The following NRXN3 variants were observed in gnomAD, a reference collection of about 807,000 sequenced individuals.
The protein encoded by NRXN3 is neurexin III.
In NRXN3, 32 loss-of-function variants were observed where a neutral mutation model predicts 137.6. That is an observed-to-expected ratio of 0.23 (90% confidence interval 0.18 to 0.31). The LOEUF is 0.31. NRXN3 is among the 10% of genes least tolerant of loss of function. The probability of loss-of-function intolerance (pLI) is 1.00; values close to 1 mark genes in which losing one functional copy is unlikely to be tolerated. For synonymous variants in NRXN3, 798 were observed against 784.5 expected (o/e 1.02, Z -0.29); for missense variants, 1,574 against 2,062.5 (o/e 0.76, Z 4.59).
At chr14:78,227,810 C>T (rs762239749) in intron 1 of NRXN3, among the ~76,000 whole-genome samples, 7 of 152,192 alleles carry the variant, frequency 4.6e-5, no homozygotes, top group African/African-American at 1.4e-4. Flanking sequence ...GTCTCTAGAA[C>T]GTCATAGAGT....
chr14:78,713,727 A>G (rs1447647517), intron 7 of NRXN3, among the ~76,000 whole-genome samples: 1 of 152,228 alleles, frequency 6.6e-6, no homozygotes, highest in Non-Finnish European at 1.5e-5. Flanking sequence ...CCTTCTTCAT[A>G]TGGCAGCAGG....
intron 19 of NRXN3, among the ~76,000 whole-genome samples, chr14:79,772,649 C>T (rs1371148042): frequency 1.2e-4 from 18 of 152,286 alleles, no homozygotes; most frequent in East Asian, 9.7e-4. Context: ...GAGTCTTAAA[C>T]GTTAGACCTA....
At chr14:78,389,515 G>C (rs945354815) in intron 4 of NRXN3, among the ~76,000 whole-genome samples, 5 of 152,138 alleles carry the variant, frequency 3.3e-5, no homozygotes, top group Non-Finnish European at 7.3e-5. Flanking sequence ...CATTTATAAT[G>C]TGAACTTATT....
At chr14:79,858,995 A>C (rs1020933585) in intron 20 of NRXN3, among the ~76,000 whole-genome samples, 15 of 151,264 alleles carry the variant, frequency 9.9e-5, no homozygotes, top group South Asian at 2.1e-4. Flanking sequence ...AGAAAAAAAA[A>C]AAAAACAGGT....
At chr14:79,429,170 T>G (rs1196607835) in intron 15 of NRXN3, among the ~76,000 whole-genome samples, 3 of 152,166 alleles carry the variant, frequency 2.0e-5, no homozygotes, top group African/African-American at 7.2e-5. Context: ...CAAATATAGA[T>G]GAGCTCTTCT....
At chr14:79,857,448 T>C (rs1285216921) in intron 20 of NRXN3, among the ~76,000 whole-genome samples, 1 of 152,070 alleles carries the variant, frequency 6.6e-6, no homozygotes, top group African/African-American at 2.4e-5. Flanking sequence ...GGTTTCGATC[T>C]CCTGACCTCA....
At chr14:79,754,565 C>A (rs1385906387) in intron 19 of NRXN3, among the ~76,000 whole-genome samples, 10 of 73,682 alleles carry the variant, frequency 1.4e-4, no homozygotes, top group South Asian at 4.0e-4. Flanking sequence ...TATATATATG[C>A]ACACATACAC....
chr14:79,850,314 T>C (rs2099389031), intron 20 of NRXN3, among the ~76,000 whole-genome samples: 1 of 152,180 alleles, frequency 6.6e-6, no homozygotes, highest in South Asian at 2.1e-4. Flanking sequence ...TATAATGTTA[T>C]GTAAAGTAAC....
chr14:79,566,997 A>C lies in NRXN3; in HGVS notation c.3445-96781A>C, dbSNP rs992514607. Reference sequence around the variant, plus strand: ...TTCAAATAGCTTAAACCCATAATCAAATGTTGCTTATAGAGGTCCTGCTTT... The same window carrying C: ...TTCAAATAGCTTAAACCCATAATCACATGTTGCTTATAGAGGTCCTGCTTT... On this transcript the variant is annotated intron_variant, in intron 16 of 20. Transcript: ENST00000335750. Among the ~76,000 whole-genome samples, 5 of 152,242 alleles carry C rather than the reference A, an allele frequency of 3.3e-5. No individual in the cohort carries two copies. The East Asian group carries it at 9.7e-4, about 29-fold the overall frequency.
chr14:79,382,724 T>TC (rs1472544466), intron 15 of NRXN3, among the ~76,000 whole-genome samples: 1 of 152,126 alleles, frequency 6.6e-6, no homozygotes, highest in African/African-American at 2.4e-5. Context: ...GGCTTACTTT[T>TC]CCCTACATAT....
intron 15 of NRXN3, among the ~76,000 whole-genome samples, chr14:79,406,717 G>A (rs1220120958): frequency 6.6e-6 from 1 of 152,020 alleles, no homozygotes; most frequent in African/African-American, 2.4e-5. Context: ...TGCAATTAAG[G>A]AGAAAAAAAT....
At chr14:79,114,709 GGA>G (rs2054095082) in intron 15 of NRXN3, among the ~76,000 whole-genome samples, 1 of 151,970 alleles carries the variant, frequency 6.6e-6, no homozygotes. Flanking sequence ...TCAATATTTT[GGA>G]GAGATGAGGA....
At chr14:78,201,353 A>G (rs2061659936) in intron 1 of NRXN3, among the ~76,000 whole-genome samples, 2 of 152,166 alleles carry the variant, frequency 1.3e-5, no homozygotes, top group African/African-American at 4.8e-5. Flanking sequence ...CAGGCCCCTA[A>G]CCCCATGTCT....
At position 79,865,555 on chromosome 14, in the gene NRXN3, G is replaced by T. The variant is rs72683310; in HGVS notation, c.*3591G>T. The stretch of plus-strand genomic sequence containing the variant: ...TATACTATCGACTATGTTAGGAATG[G>T]GGGGGAGAAAGTCAGGTTCAGTGAT... On this transcript the variant is annotated 3_prime_UTR_variant, in exon 21 of 21. Transcript: ENST00000335750. 2.0e-5 allele frequency: 3 copies of T among 152,080 alleles called. No homozygotes were observed. The highest frequency in any genetic ancestry group is 1.3e-4 in the Admixed American group (2 of 15,266). 9.4% of individuals were successfully genotyped at this position (152,080 alleles called of 1,614,324 possible). A position where few individuals can be genotyped will look rare whatever the true frequency, so the allele number is the denominator to read the frequency against.
rs116398139 is a variant in NRXN3 at position 79,326,722 on chromosome 14, C to T, written c.3263-140499C>T. Among the ~76,000 whole-genome samples, 565 of 152,282 alleles carry T rather than the reference C, an allele frequency of 3.7e-3. 2 individuals are homozygous for T. Among genetic ancestry groups the T allele is most frequent in the African/African-American group, 0.013 (544 of 41,570 alleles). On this transcript the variant is annotated intron_variant, in intron 15 of 20. Transcript: ENST00000335750. ...CTGTGTTTGCTTTGAGAGAAAGCCA[C>T]ATAACATTGTCACAAGCCAGATTAT...
intron 4 of NRXN3, among the ~76,000 whole-genome samples, chr14:78,484,367 A>G (rs2095527970): frequency 6.6e-6 from 1 of 152,136 alleles, no homozygotes. Context: ...ACATGCAGAG[A>G]TGTGCCCAGC....
intron 15 of NRXN3, among the ~76,000 whole-genome samples, chr14:79,230,076 G>C (rs547523244): frequency 6.6e-6 from 1 of 152,226 alleles, no homozygotes; most frequent in South Asian, 2.1e-4. Context: ...GCAGCAATCT[G>C]CTGCACTTTG....
chr14:78,984,045 T>C (rs2099496609), intron 14 of NRXN3, among the ~76,000 whole-genome samples: 1 of 151,324 alleles, frequency 6.6e-6, no homozygotes, highest in Non-Finnish European at 1.5e-5. Flanking sequence ...AATAGAATAG[T>C]GGCTATAGGA....
chr14:78,434,853 A>C (rs1284243720), intron 4 of NRXN3, among the ~76,000 whole-genome samples: 1 of 152,216 alleles, frequency 6.6e-6, no homozygotes, highest in Non-Finnish European at 1.5e-5. Context: ...AGCTGTGGCC[A>C]AGAGGAGGCC....
Sources: allele counts gnomAD v4.1 joint callset (sites outside exome capture counted in the v4.1 genomes callset), GRCh38; gene constraint gnomAD v4.1.1; transcripts MANE v1.5; gene names NCBI Gene and HGNC (gene_info 2026-07-23, HGNC 2026-07-21).